STYXL1: variants seen among roughly 807,000 people sequenced by gnomAD.
STYXL1 encodes the protein serine/threonine/tyrosine interacting like 1.
STYXL1 carries 32 observed loss-of-function variants against 36.4 expected under a neutral mutation model. That is an observed-to-expected ratio of 0.88 (90% CI 0.66 to 1.18). The LOEUF is 1.18. Among genes scored for constraint, STYXL1 ranks in the 50% most tolerant of loss-of-function variants. The pLI is 0.00. For missense variants in STYXL1, 354 were observed against 394.1 expected (o/e 0.90, Z 0.86); for synonymous variants, 133 against 144.1 (o/e 0.92, Z 0.55).
chr7:76,022,690 C>T (rs1044181485), intron 3 of STYXL1, among the ~76,000 whole-genome samples: 1 of 151,174 alleles, frequency 6.6e-6, no homozygotes, highest in East Asian at 1.9e-4. Flanking sequence ...AGACAAAAAA[C>T]ACCCCAAAAA....
Position 76,006,295 on chromosome 7 carries a change from C to T in STYXL1, c.454-891G>A, listed in dbSNP as rs186995936. On this transcript the variant is annotated intron_variant, in intron 5 of 8. Transcript: ENST00000359697. ...GTCTCACTATGTTGCCCAAGCTGTC[C>T]TCGAACTCCTGGCCTGTAGTGATCC... Among the ~76,000 whole-genome samples the T allele has an allele frequency of 5.9e-5, 9 of 152,152 alleles. No homozygotes were observed. The East Asian group carries it at 1.6e-3, about 26-fold the overall frequency.
At chr7:76,021,786 G>T in intron 4 of STYXL1, 65 bp downstream of exon 4, 1 of 1,213,130 alleles carries the variant, frequency 8.2e-7, no homozygotes. Flanking sequence ...GAACCTGTTG[G>T]TCCTATAACA....
chr7:76,033,529 A>G (rs1377494916), intron 1 of STYXL1, among the ~76,000 whole-genome samples: 3 of 152,172 alleles, frequency 2.0e-5, no homozygotes, highest in Non-Finnish European at 4.4e-5. Flanking sequence ...GGAGAAGTTG[A>G]GTCCAGGGGT....
In STYXL1 at chr7:76,003,873, A is replaced by G. The variant is rs782223174; in HGVS notation, c.600-18T>C. 4.3e-6 allele frequency: 7 copies of G among 1,612,880 alleles called. No individual in the cohort carries two copies. The highest frequency in any genetic ancestry group is 5.1e-6 in the Non-Finnish European group (6 of 1,178,948). On this transcript the variant is annotated intron_variant, in intron 6 of 8. Transcript: ENST00000359697. ...CTGCAAAACTACACGGAAGGACCAC[A>G]CAGGTCATCAGGTGGAATGCAGAAT... is the stretch of plus-strand genomic sequence containing the variant.
At chr7:76,009,047 A>T (rs149358975) in intron 5 of STYXL1, among the ~76,000 whole-genome samples, 1 of 152,020 alleles carries the variant, frequency 6.6e-6, no homozygotes, top group South Asian at 2.1e-4. Context: ...CAAAAATCCC[A>T]TAGCAAATCT....
intron 3 of STYXL1, among the ~76,000 whole-genome samples, chr7:76,023,222 G>C (rs1196523673): frequency 6.6e-6 from 1 of 152,052 alleles, no homozygotes; most frequent in Non-Finnish European, 1.5e-5. Context: ...AGAGGCTTAA[G>C]TCACGAACCC....
chr7:76,024,280 T>C (rs1554577059), intron 3 of STYXL1, among the ~76,000 whole-genome samples: 2 of 152,034 alleles, frequency 1.3e-5, no homozygotes, highest in African/African-American at 4.8e-5. Flanking sequence ...AAACAACCGA[T>C]ATTCACCACA....
chr7:76,011,111 G>A (rs1554572073), intron 5 of STYXL1, among the ~76,000 whole-genome samples: 1 of 152,166 alleles, frequency 6.6e-6, no homozygotes, highest in Non-Finnish European at 1.5e-5. Flanking sequence ...ACCTACTCAA[G>A]AGGCTGAGGC....
chr7:75,999,515 G>GTA (rs782180038), intron 8 of STYXL1, among the ~76,000 whole-genome samples: 4 of 93,274 alleles, frequency 4.3e-5, no homozygotes, highest in Non-Finnish European at 7.3e-5. Context: ...GTGTGTATGT[G>GTA]TGTGTGTGTG....
chr7:76,019,153 G>A (rs1554575081), intron 4 of STYXL1, among the ~76,000 whole-genome samples: 1 of 152,150 alleles, frequency 6.6e-6, no homozygotes, highest in Admixed American at 6.6e-5. Context: ...TTAAGGCTAA[G>A]CCAAGACATC....
intron 5 of STYXL1, among the ~76,000 whole-genome samples, chr7:76,008,825 G>C (rs1189657175): frequency 6.6e-6 from 1 of 152,086 alleles, no homozygotes; most frequent in Non-Finnish European, 1.5e-5. Context: ...GGCCAACATA[G>C]TGAAACCCCA....
chr7:76,004,254 C>T (rs1221876829), intron 6 of STYXL1, among the ~76,000 whole-genome samples: 11 of 152,068 alleles, frequency 7.2e-5, no homozygotes, highest in African/African-American at 2.4e-4. Context: ...CCACCACAAC[C>T]GGCTAATGTT....
chr7:76,013,475 AG>A (rs1554572829), intron 5 of STYXL1, among the ~76,000 whole-genome samples: 1 of 151,188 alleles, frequency 6.6e-6, no homozygotes, highest in African/African-American at 2.4e-5. Context: ...TCCAGGCTGG[AG>A]TACAGTGGCA....
intron 6 of STYXL1, among the ~76,000 whole-genome samples, chr7:76,004,493 C>T (rs1222816815): frequency 1.3e-5 from 2 of 150,240 alleles, no homozygotes; most frequent in Non-Finnish European, 3.0e-5. Flanking sequence ...CACTTGAGGT[C>T]AGGAGTTCGA....
intron 3 of STYXL1, among the ~76,000 whole-genome samples, chr7:76,023,184 G>T (rs1794282849): frequency 6.6e-6 from 1 of 151,896 alleles, no homozygotes; most frequent in Admixed American, 6.6e-5. Context: ...CCTCCACACT[G>T]ACTTCCCCTT....
intron 4 of STYXL1, among the ~76,000 whole-genome samples, chr7:76,016,686 T>A (rs1429281758): frequency 6.6e-6 from 1 of 152,130 alleles, no homozygotes; most frequent in Non-Finnish European, 1.5e-5. Context: ...CACAATGAGA[T>A]AACCTTCTCA....
At chr7:76,043,657 T>C (rs1042975400) in intron 1 of STYXL1, among the ~76,000 whole-genome samples, 4 of 152,136 alleles carry the variant, frequency 2.6e-5, no homozygotes, top group Non-Finnish European at 5.9e-5. Flanking sequence ...GCTGAGACAG[T>C]AACAAGGCCA....
intron 8 of STYXL1, among the ~76,000 whole-genome samples, chr7:75,999,511 A>G (rs6467962): frequency 0.18 from 16,901 of 95,542 alleles, 1,160 homozygotes; most frequent in Middle Eastern, 0.22. Context: ...GTGTGTGTGT[A>G]TGTGTGTGTG....
chr7:76,005,307 T>C lies in STYXL1; in HGVS notation c.551A>G (p.Asp184Gly). 6.2e-7 allele frequency: 1 copy of C among 1,612,140 alleles called. No homozygotes were observed. The highest frequency in any genetic ancestry group is 8.5e-7 in the Non-Finnish European group (1 of 1,178,530). ...SQACDPKIQKDLKIKAHVNVS... is the reference protein window; with the variant it reads ...SQACDPKIQKGLKIKAHVNVS... ...ATTGACATGGGCTTTGATTTTCAAG[T>C]CCTTCTGAATCTTGGGGTCACAGGC... is the stretch of plus-strand genomic sequence containing the variant. The change falls in exon 6 of 9, where the codon GAC (aspartate) becomes GGC (glycine). Residue 184 changes from aspartate (D) to glycine (G), a missense_variant. Transcript: ENST00000359697.
Sources: gnomAD v4.1 joint callset for allele counts (sites outside exome capture counted in the v4.1 genomes callset) on GRCh38, gnomAD v4.1.1 for gene constraint, MANE v1.5 for transcripts, NCBI Gene and HGNC (gene_info 2026-07-23, HGNC 2026-07-21) for gene names.